The following RIMKLB variants were observed in gnomAD, a reference collection of about 807,000 sequenced individuals.
RIMKLB encodes beta-citrylglutamate synthase B.
A neutral mutation model predicts 32.0 loss-of-function variants in RIMKLB; 7 were observed. That is an observed-to-expected ratio of 0.22 (90% CI 0.12 to 0.41). The LOEUF (loss-of-function observed/expected upper bound fraction) is 0.41, where lower values mean the gene tolerates loss of function less well. Among genes scored for constraint, RIMKLB ranks in the 10% least tolerant of loss-of-function variants. The probability of loss-of-function intolerance (pLI) is 1.00; values close to 1 mark genes in which losing one functional copy is unlikely to be tolerated. For missense variants in RIMKLB, 289 were observed against 498.7 expected, an observed-to-expected ratio of 0.58 and a Z score of 4.00; for synonymous variants, 172 against 185.1, an observed-to-expected ratio of 0.93 and a Z score of 0.57.
At chr12:8,719,375 GT>G (rs1311713265) in intron 2 of RIMKLB, among the ~76,000 whole-genome samples, 1 of 151,646 alleles carries the variant, frequency 6.6e-6, no homozygotes, top group East Asian at 1.9e-4. Context: ...GTTTTGTTTT[GT>G]TTTGTTTTTG....
chr12:8,759,336 A>G (rs748051497), intron 5 of RIMKLB, among the ~76,000 whole-genome samples: 1 of 152,320 alleles, frequency 6.6e-6, no homozygotes, highest in South Asian at 2.1e-4. Flanking sequence ...TAGAGGTTGC[A>G]GTGAGCCAAG....
Position 8,774,347 on chromosome 12 carries a change from C to T in RIMKLB, c.*563C>T, listed in dbSNP as rs1328304262. 4.1e-6 allele frequency: 4 copies of T among 985,638 alleles called. No individual in the cohort carries two copies. Among genetic ancestry groups the T allele is most frequent in the Non-Finnish European group, 3.6e-6 (3 of 829,952 alleles). The allele number at this position is 985,638 out of a possible 1,614,324, so 61.1% of individuals were successfully genotyped here. ...TTTCTTATTTTTTTGTTTTTTCCCG[C>T]TTAATTTGGTGGGAGGTCAAATTGA... On this transcript the variant is annotated 3_prime_UTR_variant, in exon 6 of 6. Transcript: ENST00000535829.
chr12:8,727,609 A>C (rs1476944571), intron 2 of RIMKLB, among the ~76,000 whole-genome samples: 1 of 152,194 alleles, frequency 6.6e-6, no homozygotes, highest in African/African-American at 2.4e-5. Context: ...ATGCAGATCA[A>C]ACATCTAGTG....
intron 5 of RIMKLB, among the ~76,000 whole-genome samples, chr12:8,769,396 T>C (rs991450149): frequency 2.6e-5 from 4 of 152,144 alleles, no homozygotes; most frequent in African/African-American, 9.6e-5. Context: ...AGCTGTGAAG[T>C]AAGTTTATTT....
intron 1 of RIMKLB, among the ~76,000 whole-genome samples, chr12:8,682,886 T>G (rs1942457925): frequency 1.3e-5 from 2 of 150,052 alleles, no homozygotes; most frequent in South Asian, 4.2e-4. Context: ...TCCGCCGGCC[T>G]CAGCCTCCCA....
chr12:8,737,060 G>A (rs1419360905), intron 2 of RIMKLB, among the ~76,000 whole-genome samples: 3 of 152,068 alleles, frequency 2.0e-5, no homozygotes, highest in African/African-American at 4.8e-5. Flanking sequence ...TGATCCTCCC[G>A]CCTTGGCCTC....
chr12:8,740,145 G>A (rs1947368455), intron 2 of RIMKLB, among the ~76,000 whole-genome samples: 1 of 151,686 alleles, frequency 6.6e-6, no homozygotes, highest in African/African-American at 2.4e-5. Flanking sequence ...ACCTCAAGTG[G>A]TCTGCCTGCC....
At chr12:8,765,832 A>G (rs145961834) in intron 5 of RIMKLB, among the ~76,000 whole-genome samples, 76 of 152,102 alleles carry the variant, frequency 5.0e-4, no homozygotes, top group African/African-American at 1.7e-3. Flanking sequence ...CACTTTTTAC[A>G]TAATTGTGAC....
chr12:8,756,214 A>G (rs948267016), intron 5 of RIMKLB, among the ~76,000 whole-genome samples: 9 of 151,684 alleles, frequency 5.9e-5, no homozygotes, highest in African/African-American at 2.2e-4. Flanking sequence ...CCAGCTGCTC[A>G]GGAAGCTAAG....
rs1310808544 is a variant in RIMKLB, at chr12:8,707,392, GATGAAAAGGTGCCTAGGGCAAAGT to G, written c.-56-6415_-56-6392del. Among the ~76,000 whole-genome samples the G allele has an allele frequency of 2.6e-5, 4 of 152,334 alleles. No homozygotes were observed. The South Asian group carries it at 8.3e-4, about 32-fold the overall frequency. On this transcript the variant is annotated intron_variant, in intron 1 of 5. Transcript: ENST00000535829. ...TTACGTGTATGTTATAAAGGATACA[GATGAAAAGGTGCCTAGGGCAAAGT>G]ATGGAAAAGGGGCACGGAGCTTCTT...
chr12:8,732,640 G>T (rs1946643035), intron 2 of RIMKLB, among the ~76,000 whole-genome samples: 1 of 152,122 alleles, frequency 6.6e-6, no homozygotes. Flanking sequence ...GAGTCAAAAA[G>T]TACTAATGGC....
chr12:8,751,927 T>G (rs1400723527), intron 3 of RIMKLB, 30 bp from the exon 4 acceptor site: 1 of 1,377,400 alleles, frequency 7.3e-7, no homozygotes, highest in East Asian at 2.3e-5. Context: ...TGCTGCTGTT[T>G]GTCTTAAATT....
chr12:8,738,813 A>G (rs543004892), intron 2 of RIMKLB, among the ~76,000 whole-genome samples: 3 of 152,236 alleles, frequency 2.0e-5, no homozygotes, highest in Non-Finnish European at 4.4e-5. Context: ...AGATGTTACA[A>G]AAAGTGACTG....
At chr12:8,697,325 CCTT>C (rs1331322829), upstream of RIMKLB, 1 of 152,218 alleles carries the variant, frequency 6.6e-6, no homozygotes, top group Non-Finnish European at 1.5e-5. Flanking sequence ...CGGATAAAGA[CCTT>C]CTAGGTATGA....
chr12:8,721,342 T>C (rs933327622), intron 2 of RIMKLB, among the ~76,000 whole-genome samples: 3 of 152,190 alleles, frequency 2.0e-5, no homozygotes, highest in African/African-American at 4.8e-5. Flanking sequence ...TTTCCAACAT[T>C]TTACCCACCG....
At chr12:8,730,449 G>A (rs991536466) in intron 2 of RIMKLB, among the ~76,000 whole-genome samples, 2 of 152,100 alleles carry the variant, frequency 1.3e-5, no homozygotes, top group African/African-American at 4.8e-5. Context: ...TGGTCACAGG[G>A]CCTAAGATGG....
chr12:8,716,152 A>G (rs1944808999), intron 2 of RIMKLB, among the ~76,000 whole-genome samples: 1 of 152,222 alleles, frequency 6.6e-6, no homozygotes, highest in Non-Finnish European at 1.5e-5. Flanking sequence ...TCTAGTGGCT[A>G]CTAAGTAATA....
intron 2 of RIMKLB, among the ~76,000 whole-genome samples, chr12:8,738,178 A>G (rs929260333): frequency 6.6e-6 from 1 of 152,144 alleles, no homozygotes; most frequent in African/African-American, 2.4e-5. Flanking sequence ...AGTAGCTGGA[A>G]CTACAGGCAT....
In RIMKLB at chr12:8,715,504, A is replaced by G. The variant is rs1944753087; in HGVS notation, c.175+1463A>G. Among the ~76,000 whole-genome samples the G allele has an allele frequency of 2.0e-5, 3 of 152,158 alleles. No homozygotes were observed. The South Asian group carries it at 6.2e-4, about 31-fold the overall frequency. ...TTCCAAAAGTGCTGAGATTACAGGC[A>G]TGAGGCACCATGCCCACCTACTCTT... is the stretch of plus-strand genomic sequence containing the variant. On this transcript the variant is annotated intron_variant, in intron 2 of 5. Coordinates refer to ENST00000535829, the MANE Select transcript of RIMKLB (RefSeq NM_001297776.2).
Sources: allele counts gnomAD v4.1 joint callset (sites outside exome capture counted in the v4.1 genomes callset), GRCh38; gene constraint gnomAD v4.1.1; transcripts MANE v1.5; gene names NCBI Gene and HGNC (gene_info 2026-07-23, HGNC 2026-07-21).